TYRO3: variants seen among roughly 807,000 people sequenced by gnomAD.
The protein encoded by TYRO3 is TYRO3 protein tyrosine kinase.
A neutral mutation model predicts 95.2 loss-of-function variants in TYRO3; 38 were observed. That is an observed-to-expected ratio of 0.40 (90% confidence interval 0.31 to 0.52). The LOEUF is 0.52. TYRO3 is among the 20% of genes least tolerant of loss of function. TYRO3 has a pLI of 0.56. For missense variants in TYRO3, 812 were observed against 1,116.4 expected (o/e 0.73, Z 3.89); for synonymous variants, 367 against 432.9 (o/e 0.85, Z 1.89).
chr15:41,568,824 C>G (rs1303808589), intron 8 of TYRO3, 54 bp from the exon 9 acceptor site: 3 of 1,583,368 alleles, frequency 1.9e-6, no homozygotes, highest in Non-Finnish European at 2.6e-6. Flanking sequence ...CAGGCCCCAG[C>G]TGGAGGCCTT....
At chr15:41,572,933 G>A in intron 15 of TYRO3, 69 bp from the exon 16 acceptor site, 2 of 1,066,220 alleles carry the variant, frequency 1.9e-6, no homozygotes, top group Non-Finnish European at 2.7e-6. Context: ...TTCTGGCCAG[G>A]GACCCCCATC....
intron 18 of TYRO3, 114 bp from the exon 19 acceptor site, chr15:41,577,772 C>T (rs1326493005): frequency 9.9e-6 from 11 of 1,111,064 alleles, no homozygotes; most frequent in East Asian, 9.6e-5. Flanking sequence ...AGATGCGAGC[C>T]GCTGTGCCCC....
At chr15:41,571,927 G>T (rs964222702) in intron 14 of TYRO3, among the ~76,000 whole-genome samples, 15 of 152,068 alleles carry the variant, frequency 9.9e-5, no homozygotes, top group African/African-American at 3.6e-4. Context: ...GGAGGCTGAG[G>T]TGGGAGAATT....
At chr15:41,571,752 A>G (rs2055799203) in intron 14 of TYRO3, 65 bp downstream of exon 14, 3 of 763,814 alleles carry the variant, frequency 3.9e-6, no homozygotes, top group Non-Finnish European at 6.7e-6. Flanking sequence ...CCAATATGAG[A>G]TGGCAGCCTA....
In TYRO3 at chr15:41,576,099, C is replaced by A. The variant is rs540675381; in HGVS notation, c.2283-1787C>A. Among the ~76,000 whole-genome samples the A allele has an allele frequency of 2.6e-4, 14 of 54,802 alleles. No individual in the cohort carries two copies. The East Asian group carries it at 8.5e-3, about 33-fold the overall frequency. 36.0% of individuals were successfully genotyped at this position (54,802 alleles called of 152,430 possible). The stretch of plus-strand genomic sequence containing the variant: ...AGCCTGGGCAACAAGAGCAAAACTC[C>A]ATCTCAAAAAAAAAAAAAAAAAAAA... On this transcript the variant is annotated intron_variant, in intron 18 of 18. Transcript: ENST00000263798.
intron 4 of TYRO3, among the ~76,000 whole-genome samples, chr15:41,563,372 G>A (rs1314710040): frequency 6.6e-6 from 1 of 152,162 alleles, no homozygotes; most frequent in African/African-American, 2.4e-5. Flanking sequence ...TCTGGTTGAG[G>A]CTTGAATTGG....
chr15:41,578,182 C>T lies in TYRO3; in HGVS notation c.2579C>T (p.Pro860Leu), dbSNP rs759453884. ...ACCCCCGGAGGGCTGGCTGAGCAGC[C>T]AGGGCAGGCAGAGCACCAGCCAGAG... ...ILTPGGLAEQ[P>L]GQAEHQPESP... The change falls in exon 19 of 19, where the codon CCA becomes CTA. Residue 860 changes from proline to leucine, a missense_variant. Transcript: ENST00000263798. The T allele has an allele frequency of 3.7e-6, 6 of 1,613,774 alleles. No homozygotes were observed. The highest frequency in any genetic ancestry group is 5.1e-6 in the Non-Finnish European group (6 of 1,180,058).
Position 41,567,505 on chromosome 15 carries a change from C to A in TYRO3, c.929C>A (p.Ala310Asp). 6.3e-7 allele frequency: 1 copy of A among 1,591,152 alleles called. No homozygotes were observed. The highest frequency in any genetic ancestry group is 8.5e-7 in the Non-Finnish European group (1 of 1,171,520). ...CANALGPSPY[A>D]DWVPFQTKGL... ...AATGCCTTGGGGCCCTCTCCCTATG[C>A]TGACTGGGTGCCCTTTCAGACCAAG... The change falls in exon 7 of 19, where the codon GCT (alanine) becomes GAT (aspartate). Residue 310 changes from alanine to aspartate, a missense_variant. By Grantham distance (126) the Ala-to-Asp change is moderately radical (BLOSUM62 -2). Coordinates refer to ENST00000263798, the MANE Select transcript of TYRO3 (RefSeq NM_006293.4).
intron 9 of TYRO3, 145 bp from the exon 10 acceptor site, chr15:41,569,882 A>G (rs761970016): frequency 4.1e-5 from 42 of 1,025,412 alleles, no homozygotes; most frequent in Non-Finnish European, 5.4e-5. Context: ...AAGGACTCTT[A>G]GGCATTCCTC....
At chr15:41,561,427 T>G (rs983209129) in intron 2 of TYRO3, 112 bp from the exon 3 acceptor site, 4 of 1,514,478 alleles carry the variant, frequency 2.6e-6, no homozygotes, top group African/African-American at 1.4e-5. Flanking sequence ...GTTTTTTTAT[T>G]TGGCTACCTG....
At chr15:41,569,512 T>G (rs968473900) in intron 9 of TYRO3, among the ~76,000 whole-genome samples, 1 of 151,974 alleles carries the variant, frequency 6.6e-6, no homozygotes, top group African/African-American at 2.4e-5. Context: ...GGTTCACACC[T>G]ATAATCCCAC....
chr15:41,567,210 A>T (rs2055733812), intron 6 of TYRO3, 150 bp from the exon 7 acceptor site: 1 of 508,680 alleles, frequency 2.0e-6, no homozygotes, highest in African/African-American at 2.0e-5. Context: ...AACCCTGTGT[A>T]TTATTGGGGT....
rs1175359196 is a variant in TYRO3, at chr15:41,583,041, C to G, written c.*4765C>G. 1 of 126,904 alleles carries G rather than the reference C, an allele frequency of 7.9e-6. No individual in the cohort carries two copies. The highest frequency in any genetic ancestry group is 1.6e-5 in the Non-Finnish European group (1 of 63,538). The allele number at this position is 126,904 out of a possible 1,614,324, so 7.9% of individuals were successfully genotyped here. On this transcript the variant is annotated 3_prime_UTR_variant, in exon 19 of 19. Transcript: ENST00000263798. ...ACAGAGCCTTGCTCTGTCGCCCAGGCTGGAGTGCAGTGGTGTGATCTCGGC... is the reference window on the plus strand; with the variant it reads ...ACAGAGCCTTGCTCTGTCGCCCAGGGTGGAGTGCAGTGGTGTGATCTCGGC...
chr15:41,565,340 C>T (rs532598759), intron 6 of TYRO3, among the ~76,000 whole-genome samples, 199 bp downstream of exon 6: 1 of 152,268 alleles, frequency 6.6e-6, no homozygotes, highest in East Asian at 1.9e-4. Context: ...CAGATTGGCT[C>T]AAACTCATGC....
chr15:41,577,889 T>C lies in TYRO3; in HGVS notation c.2286T>C (p.Tyr762=), dbSNP rs2055879511. 6.2e-7 allele frequency: 1 copy of C among 1,611,230 alleles called. No individual in the cohort carries two copies. Among genetic ancestry groups the C allele is most frequent in the Admixed American group, 1.7e-5 (1 of 59,966 alleles). ...CTCACGCTTCTCTCCACCCCAGGTA[T>C]GATCTCATGTACCAGTGCTGGAGTG... ...KQPPECMEDV[Y]DLMYQCWSAD... Residue 762 remains tyrosine, a synonymous_variant, in exon 19 of 19, where the codon TAT becomes TAC. Transcript: ENST00000263798.
chr15:41,574,835 C>T lies in TYRO3; in HGVS notation c.2282+1020C>T, dbSNP rs185579252. ...CCTGGGCTCAAGTGATCCTCCCTCC[C>T]CAGCCTTCCAAGTAGCTGGGACTAC... On this transcript the variant is annotated intron_variant, in intron 18 of 18. Transcript: ENST00000263798. 2.2e-4 allele frequency: 96 copies of T among 432,236 alleles called. 1 individual carries two copies. Among genetic ancestry groups the T allele is most frequent in the South Asian group, 7.2e-4 (44 of 60,750 alleles). 26.8% of individuals were successfully genotyped at this position (432,236 alleles called of 1,614,324 possible).
rs763161374 is a variant in TYRO3, at chr15:41,564,274, G to A, written c.667+4G>A. 2.3e-6 allele frequency: 3 copies of A among 1,330,046 alleles called. No individual in the cohort carries two copies. The South Asian group carries it at 3.5e-5, about 15-fold the overall frequency. 82.4% of individuals were successfully genotyped at this position (1,330,046 alleles called of 1,614,324 possible). ...ACAGCCACTGTTCACCTTCAAGGTA[G>A]GAGGGCTGGCAGGGAGGAAGGGTGG... On this transcript the variant is annotated splice_donor_region_variant and intron_variant, in intron 5 of 18. Transcript: ENST00000263798.
At chr15:41,573,955 A>G in intron 18 of TYRO3, 140 bp downstream of exon 18, 1 of 898,146 alleles carries the variant, frequency 1.1e-6, no homozygotes, top group Non-Finnish European at 1.7e-6. Context: ...ACTCCACCTC[A>G]TACTCACTGT....
At chr15:41,559,625 G>T (rs537488427) in intron 1 of TYRO3, among the ~76,000 whole-genome samples, 4 of 152,326 alleles carry the variant, frequency 2.6e-5, no homozygotes, top group East Asian at 3.9e-4. Context: ...AGGGAGCGGG[G>T]TGTGGGCTGT....
Sources: allele counts gnomAD v4.1 joint callset (sites outside exome capture counted in the v4.1 genomes callset), GRCh38; gene constraint gnomAD v4.1.1; transcripts MANE v1.5; gene names NCBI Gene and HGNC (gene_info 2026-07-23, HGNC 2026-07-21).